The following CTNNA3 variants were observed in gnomAD, a reference collection of about 807,000 sequenced individuals.
CTNNA3 encodes catenin alpha 3.
A neutral mutation model predicts 95.7 loss-of-function variants in CTNNA3; 76 were observed. That is an observed-to-expected ratio of 0.79 (90% CI 0.66 to 0.96). CTNNA3 has a LOEUF of 0.96. Ranked by LOEUF, CTNNA3 falls within the 40% of genes least tolerant of loss-of-function variation. CTNNA3 has a pLI of 0.00. For missense variants in CTNNA3, 1,191 were observed against 1,089.8 expected, an observed-to-expected ratio of 1.09 and a Z score of -1.31; for synonymous variants, 431 against 374.4, an observed-to-expected ratio of 1.15 and a Z score of -1.74.
chr10:66,536,045 G>A (rs1841640742), intron 10 of CTNNA3, among the ~76,000 whole-genome samples: 1 of 151,636 alleles, frequency 6.6e-6, no homozygotes, highest in African/African-American at 2.4e-5. Flanking sequence ...ATCTGGGGAA[G>A]AAAAATAGAT....
intron 8 of CTNNA3, among the ~76,000 whole-genome samples, chr10:66,774,945 G>GA (rs1054981363): frequency 1.3e-5 from 2 of 151,844 alleles, no homozygotes; most frequent in Admixed American, 6.6e-5. Context: ...GAAGTATCAT[G>GA]AAAAAAAATG....
intron 13 of CTNNA3, among the ~76,000 whole-genome samples, chr10:66,125,917 A>G (rs2082810520): frequency 6.6e-6 from 1 of 152,202 alleles, no homozygotes; most frequent in Non-Finnish European, 1.5e-5. Context: ...GTATATATTA[A>G]TGGTGGATAC....
In CTNNA3 at chr10:66,766,424, G is replaced by A; in HGVS notation, c.1129-8C>T. 2 of 1,585,888 alleles carry A rather than the reference G, an allele frequency of 1.3e-6. No homozygotes were observed. The highest frequency in any genetic ancestry group is 1.8e-5 in the Admixed American group (1 of 55,798). On this transcript the variant is annotated splice_polypyrimidine_tract_variant and splice_region_variant and intron_variant, in intron 8 of 17. Coordinates refer to ENST00000433211, the MANE Select transcript of CTNNA3 (RefSeq NM_013266.4). ...TATAATAGCCTTGCGGAGCTGAGAA[G>A]AAATGAAAAATTCAGGTTTTTTTTT...
At chr10:66,230,633 G>A (rs962621694) in intron 13 of CTNNA3, among the ~76,000 whole-genome samples, 1 of 152,110 alleles carries the variant, frequency 6.6e-6, no homozygotes, top group Non-Finnish European at 1.5e-5. Flanking sequence ...GATTGCCTGT[G>A]GCGGTGACAG....
At chr10:66,810,515 T>G (rs1841832324) in intron 7 of CTNNA3, among the ~76,000 whole-genome samples, 1 of 152,194 alleles carries the variant, frequency 6.6e-6, no homozygotes, top group Non-Finnish European at 1.5e-5. Context: ...CATTGACTTA[T>G]TTTAGGTTCT....
chr10:65,990,766 T>A (rs978480726), intron 15 of CTNNA3, among the ~76,000 whole-genome samples: 2 of 152,032 alleles, frequency 1.3e-5, no homozygotes, highest in Admixed American at 1.3e-4. Context: ...AGCTTTTTAG[T>A]TTAATATAGT....
chr10:67,073,523 C>T (rs1314941210), intron 7 of CTNNA3, among the ~76,000 whole-genome samples: 3 of 151,522 alleles, frequency 2.0e-5, no homozygotes, highest in Non-Finnish European at 4.4e-5. Flanking sequence ...CCCTCTTAAA[C>T]AAGTATCAAC....
intron 5 of CTNNA3, among the ~76,000 whole-genome samples, chr10:67,252,598 A>G (rs1866155219): frequency 6.6e-6 from 1 of 152,118 alleles, no homozygotes; most frequent in Non-Finnish European, 1.5e-5. Flanking sequence ...TTCTTCTTGT[A>G]ATGATTTGAG....
intron 13 of CTNNA3, among the ~76,000 whole-genome samples, chr10:66,132,904 G>A (rs1020643176): frequency 3.3e-5 from 5 of 152,084 alleles, no homozygotes; most frequent in Non-Finnish European, 7.3e-5. Context: ...ACCAAAGGGT[G>A]GACGGTGGCA....
intron 5 of CTNNA3, among the ~76,000 whole-genome samples, chr10:67,365,453 A>C (rs917094956): frequency 1.3e-5 from 2 of 152,236 alleles, no homozygotes; most frequent in Non-Finnish European, 2.9e-5. Flanking sequence ...ACATAAAGGG[A>C]GAAACATTTT....
intron 12 of CTNNA3, among the ~76,000 whole-genome samples, chr10:66,285,622 A>G (rs998628853): frequency 6.6e-6 from 1 of 151,838 alleles, no homozygotes; most frequent in African/African-American, 2.4e-5. Context: ...GTAATGTTCT[A>G]TGATGACCTT....
At chr10:66,999,047 T>C (rs1376390700) in intron 7 of CTNNA3, among the ~76,000 whole-genome samples, 3 of 152,104 alleles carry the variant, frequency 2.0e-5, no homozygotes, top group African/African-American at 7.2e-5. Flanking sequence ...ATTTTAGTTA[T>C]AAAGAAAACG....
intron 1 of CTNNA3, among the ~76,000 whole-genome samples, chr10:67,686,058 C>T (rs1446343778): frequency 6.6e-6 from 1 of 152,328 alleles, no homozygotes; most frequent in South Asian, 2.1e-4. Context: ...GCATTGTATG[C>T]AATAACTCCA....
chr10:67,456,636 A>AGTGTAGTCAACAATTGCT (rs1847183560), intron 5 of CTNNA3, among the ~76,000 whole-genome samples: 1 of 152,220 alleles, frequency 6.6e-6, no homozygotes, highest in Non-Finnish European at 1.5e-5. Flanking sequence ...GAACATGAGC[A>AGTGTAGTCAACAATTGCT]GTGTAGTCAA....
chr10:66,107,505 G>A, intron 13 of CTNNA3, among the ~76,000 whole-genome samples: 1 of 152,086 alleles, frequency 6.6e-6, no homozygotes, highest in Non-Finnish European at 1.5e-5. Context: ...AGCAAAAGAA[G>A]CCAAAAACAA....
At chr10:66,327,125 A>G (rs973500920) in intron 12 of CTNNA3, among the ~76,000 whole-genome samples, 3 of 152,104 alleles carry the variant, frequency 2.0e-5, no homozygotes, top group African/African-American at 7.2e-5. Context: ...CTGGAAAACA[A>G]TGTCAAAATC....
At chr10:66,087,121 A>G (rs1029897808) in intron 14 of CTNNA3, among the ~76,000 whole-genome samples, 11 of 152,012 alleles carry the variant, frequency 7.2e-5, no homozygotes, top group African/African-American at 2.2e-4. Context: ...CCTTATCTAC[A>G]TAATAAAAGA....
At chr10:67,581,865 C>A (rs997791746) in intron 3 of CTNNA3, among the ~76,000 whole-genome samples, 2 of 152,092 alleles carry the variant, frequency 1.3e-5, no homozygotes, top group South Asian at 2.1e-4. Flanking sequence ...TTATAGTATT[C>A]TCTGATGGTA....
chr10:66,060,054 T>G (rs2133567103), intron 15 of CTNNA3, among the ~76,000 whole-genome samples: 1 of 152,174 alleles, frequency 6.6e-6, no homozygotes, highest in South Asian at 2.1e-4. Context: ...CCCATAATTT[T>G]TCTGCAACTT....
Sources: gnomAD v4.1 joint callset for allele counts (sites outside exome capture counted in the v4.1 genomes callset) on GRCh38, gnomAD v4.1.1 for gene constraint, MANE v1.5 for transcripts, NCBI Gene and HGNC (gene_info 2026-07-23, HGNC 2026-07-21) for gene names.